The following BRD9 variants were observed in gnomAD, a reference collection of about 807,000 sequenced individuals.
BRD9 encodes bromodomain containing 9, also known as bromodomain-containing protein 9.
In BRD9, 47 loss-of-function variants were observed where a neutral mutation model predicts 68.7. The ratio of observed to expected loss-of-function variants is 0.68; its 90% CI spans 0.54 to 0.87. The LOEUF is 0.87. BRD9 is among the 40% of genes least tolerant of loss of function. The pLI is 0.00. For synonymous variants in BRD9, 313 were observed against 293.9 expected, an observed-to-expected ratio of 1.06 and a Z score of -0.67; for missense variants, 670 against 748.4, an observed-to-expected ratio of 0.90 and a Z score of 1.22.
At chr5:885,592 C>A (rs1752437029) in intron 7 of BRD9, among the ~76,000 whole-genome samples, 1 of 152,256 alleles carries the variant, frequency 6.6e-6, no homozygotes, top group South Asian at 2.1e-4. Flanking sequence ...CAGAAACCAT[C>A]CTTCAAATCT....
At chr5:885,886 C>T (rs1752481326) in intron 7 of BRD9, among the ~76,000 whole-genome samples, 1 of 152,218 alleles carries the variant, frequency 6.6e-6, no homozygotes, top group Non-Finnish European at 1.5e-5. Context: ...GGAGCGTCTA[C>T]AGGAATGACG....
Position 891,273 on chromosome 5 carries a change from C to CCGCTTCTTCTCTT in BRD9, c.269_281dup (p.Lys95ArgfsTer12), listed in dbSNP as rs1753339980. ...TGTCACAGTGCTCCCTCTCTCGCTT[C>CCGCTTCTTCTCTT]CGCTTCTTCTCTTCCTGGGCGGCAG... is the stretch of plus-strand genomic sequence containing the variant. On this transcript the variant is annotated frameshift_variant, in exon 3 of 16. Transcript: ENST00000467963. LOFTEE classifies it high-confidence loss of function. 3 of 1,551,450 alleles carry CCGCTTCTTCTCTT rather than the reference C, an allele frequency of 1.9e-6. No homozygotes were observed. Among genetic ancestry groups the CCGCTTCTTCTCTT allele is most frequent in the Non-Finnish European group, 2.6e-6 (3 of 1,146,888 alleles).
At chr5:891,503 C>T (rs1753392040) in intron 2 of BRD9, 137 bp downstream of exon 2, 9 of 1,380,116 alleles carry the variant, frequency 6.5e-6, no homozygotes, top group Admixed American at 2.7e-5. Flanking sequence ...CGGGCCTCAG[C>T]GGTTCGCGTT....
At chr5:881,403 G>T (rs1284596032) in intron 8 of BRD9, 1 of 589,288 alleles carries the variant, frequency 1.7e-6, no homozygotes, top group Non-Finnish European at 3.0e-6. Context: ...CCATGGCCCT[G>T]CTATAGGGGG....
At chr5:887,941 C>T (rs1752803991) in intron 5 of BRD9, among the ~76,000 whole-genome samples, 1 of 152,196 alleles carries the variant, frequency 6.6e-6, no homozygotes, top group Admixed American at 6.5e-5. Flanking sequence ...AAAGACTTTG[C>T]CCCACAAAAG....
intron 7 of BRD9, 47 bp downstream of exon 7, chr5:886,545 A>G (rs2150631524): frequency 1.3e-6 from 2 of 1,541,836 alleles, no homozygotes; most frequent in Non-Finnish European, 1.8e-6. Flanking sequence ...TTTCCTGGCT[A>G]TGGTGCTCAA....
At chr5:867,949 C>T (rs1488161730) in intron 14 of BRD9, among the ~76,000 whole-genome samples, 2 of 152,128 alleles carry the variant, frequency 1.3e-5, no homozygotes, top group Non-Finnish European at 2.9e-5. Flanking sequence ...GAGTCAGGGG[C>T]AGAATGATAC....
Position 884,125 on chromosome 5 carries a change from G to C in BRD9, c.834-55C>G, listed in dbSNP as rs1579984849. ...GAGGCAGCGTCCCCACCGCACACCT[G>C]CTCCCCATGCGTCGGCACCTAACCC... On this transcript the variant is annotated intron_variant, in intron 7 of 15. Transcript: ENST00000467963. 3 of 1,588,172 alleles carry C rather than the reference G, an allele frequency of 1.9e-6. No homozygotes were observed. In the East Asian group the frequency reaches 6.8e-5, roughly 36 times the overall value.
chr5:882,562 C>G (rs1751933367), intron 8 of BRD9: 1 of 158,662 alleles, frequency 6.3e-6, no homozygotes, highest in South Asian at 1.5e-4. Flanking sequence ...ACAGATAAGC[C>G]ACACAGACCA....
chr5:877,205 C>T (rs904256321), intron 11 of BRD9, among the ~76,000 whole-genome samples: 1 of 152,210 alleles, frequency 6.6e-6, no homozygotes, highest in Non-Finnish European at 1.5e-5. Flanking sequence ...GGACAGGGAG[C>T]CGACTGCGGA....
At chr5:871,858 C>T (rs1343512745) in intron 12 of BRD9, among the ~76,000 whole-genome samples, 1 of 152,216 alleles carries the variant, frequency 6.6e-6, no homozygotes, top group African/African-American at 2.4e-5. Context: ...GTTTCGGCAG[C>T]CTTGGGTGGC....
Position 878,434 on chromosome 5 carries a change from A to G in BRD9, c.1192T>C (p.Phe398Leu). The change falls in exon 11 of 16, where the codon TTT becomes CTT. Residue 398 changes from phenylalanine to leucine, a missense_variant. Coordinates refer to ENST00000467963, the MANE Select transcript of BRD9 (RefSeq NM_023924.5). Reference sequence around the variant, plus strand: ...ATCTCGTCCGACTTCAAGTCGCCAAATACTGAATTATTCTGCATCGAAAGC... The same window carrying G: ...ATCTCGTCCGACTTCAAGTCGCCAAGTACTGAATTATTCTGCATCGAAAGC... Reference protein sequence around the residue: ...TALSMQNNSVFGDLKSDEMEL... With the variant: ...TALSMQNNSVLGDLKSDEMEL... 1 of 1,614,280 alleles carries G rather than the reference A, an allele frequency of 6.2e-7. No homozygotes were observed.
intron 12 of BRD9, among the ~76,000 whole-genome samples, chr5:874,768 C>T (rs1750661409): frequency 6.6e-6 from 1 of 152,254 alleles, no homozygotes; most frequent in African/African-American, 2.4e-5. Context: ...TCAGTGAAAA[C>T]TGATCTGGGA....
In BRD9 at chr5:864,569, C is replaced by T; in HGVS notation, c.1694-1G>A. ...CCGACACTCAGGCGAGAAGGGCTTC[C>T]TGCAATTTTCAGAACACAGGACTTC... On this transcript the variant is annotated splice_acceptor_variant, in intron 15 of 15. Transcript: ENST00000467963. LOFTEE classifies it high-confidence loss of function. 1.9e-6 allele frequency: 3 copies of T among 1,613,226 alleles called. No homozygotes were observed. The highest frequency in any genetic ancestry group is 2.5e-6 in the Non-Finnish European group (3 of 1,179,482).
Position 875,998 on chromosome 5 carries a change from C to T in BRD9, c.1383+103G>A, listed in dbSNP as rs115771511. 4.5e-3 allele frequency: 3,394 copies of T among 759,460 alleles called. 80 individuals carry two copies. The African/African-American group carries it at 0.051, about 11-fold the overall frequency. The allele number at this position is 759,460 out of a possible 1,614,324, so 47.0% of individuals were successfully genotyped here. A position where few individuals can be genotyped will look rare whatever the true frequency, so the allele number is the denominator to read the frequency against. On this transcript the variant is annotated intron_variant, in intron 12 of 15. Transcript: ENST00000467963. ...CGAGGAGCCGGCAGCAGAGTCCCTG[C>T]GACAGCTCCTCGTCCCCGAAAGCCT...
At chr5:871,484 G>C (rs748650818) in intron 13 of BRD9, 42 bp downstream of exon 13, 1 of 1,593,206 alleles carries the variant, frequency 6.3e-7, no homozygotes, top group Non-Finnish European at 8.6e-7. Context: ...CTTTCCCTGT[G>C]AGAATAATAT....
intron 8 of BRD9, 32 bp from the exon 9 acceptor site, chr5:881,214 C>T (rs556758427): frequency 1.7e-5 from 28 of 1,603,424 alleles, no homozygotes; most frequent in Middle Eastern, 3.3e-4. Context: ...GCGTCTGTCC[C>T]TCAGGAGGGG....
chr5:891,443 G>A (rs537656174), intron 2 of BRD9, 156 bp from the exon 3 acceptor site: 4 of 1,333,434 alleles, frequency 3.0e-6, no homozygotes, highest in East Asian at 2.5e-5. Context: ...CAGAGACCCT[G>A]GCAGGGTCTG....
rs139850566 is a variant in BRD9 at position 865,880 on chromosome 5, C to T, written c.1526-299G>A. The T allele has an allele frequency of 3.7e-3, 1,067 of 290,714 alleles. 20 individuals are homozygous for T. In the East Asian group the frequency reaches 0.062, roughly 17 times the overall value. The allele number at this position is 290,714 out of a possible 1,614,324, so 18.0% of individuals were successfully genotyped here. A position where few individuals can be genotyped will look rare whatever the true frequency, so the allele number is the denominator to read the frequency against. ...GCACAGACACCGTGGAGGGATGTGG[C>T]CACAACCCAGGATGGGCCTGGTGTG... On this transcript the variant is annotated intron_variant, in intron 14 of 15. Coordinates refer to ENST00000467963, the MANE Select transcript of BRD9 (RefSeq NM_023924.5).
Sources: gnomAD v4.1 joint callset for allele counts (sites outside exome capture counted in the v4.1 genomes callset) on GRCh38, gnomAD v4.1.1 for gene constraint, MANE v1.5 for transcripts, NCBI Gene and HGNC (gene_info 2026-07-23, HGNC 2026-07-21) for gene names.